Variants in PCDH9 observed in about 807,000 individuals in gnomAD.
The protein encoded by PCDH9 is protocadherin-9.
In PCDH9, 24 loss-of-function variants were observed where a neutral mutation model predicts 70.6. The observed-to-expected ratio is 0.34, with a 90% CI of 0.25 to 0.48. PCDH9 has a LOEUF of 0.48. Among genes scored for constraint, PCDH9 ranks in the 20% least tolerant of loss-of-function variants. The pLI is 0.99. For synonymous variants in PCDH9, 562 were observed against 558.5 expected (o/e 1.01, Z -0.09); for missense variants, 1,281 against 1,503.6 (o/e 0.85, Z 2.45).
intron 2 of PCDH9, among the ~76,000 whole-genome samples, chr13:67,035,284 A>G (rs1446684708): frequency 3.3e-5 from 5 of 152,080 alleles, no homozygotes; most frequent in Non-Finnish European, 7.4e-5. Context: ...TCTTATTTGG[A>G]TGTGGTGCAT....
intron 3 of PCDH9, among the ~76,000 whole-genome samples, chr13:66,891,492 T>A (rs2082095185): frequency 6.6e-6 from 1 of 152,056 alleles, no homozygotes; most frequent in South Asian, 2.1e-4. Flanking sequence ...AATAGTAATA[T>A]AAGATTTGCT....
intron 4 of PCDH9, among the ~76,000 whole-genome samples, chr13:66,329,141 A>G (rs1321188701): frequency 6.6e-6 from 1 of 152,196 alleles, no homozygotes; most frequent in African/African-American, 2.4e-5. Context: ...ATAGTAAGTC[A>G]CATCATACAG....
chr13:66,482,471 C>T (rs901319254), intron 4 of PCDH9, among the ~76,000 whole-genome samples: 3 of 152,104 alleles, frequency 2.0e-5, no homozygotes, highest in African/African-American at 7.2e-5. Flanking sequence ...ACTCTACCAC[C>T]CTTAGCTGCA....
chr13:66,979,073 C>T (rs1272344329), intron 2 of PCDH9, among the ~76,000 whole-genome samples: 1 of 151,986 alleles, frequency 6.6e-6, no homozygotes, highest in African/African-American at 2.4e-5. Flanking sequence ...CAAAGAAAGA[C>T]ATGACGTTTT....
At position 67,225,931 on chromosome 13, in the gene PCDH9, C is replaced by A; in HGVS notation, c.2510G>T (p.Arg837Leu). The A allele has an allele frequency of 6.2e-7, 1 of 1,614,106 alleles. No homozygotes were observed. Among genetic ancestry groups the A allele is most frequent in the South Asian group, 1.1e-5 (1 of 91,080 alleles). ...TTTGAACCTTGATGCATGGCGACAG[C>A]GCACCAGAACGGTGACGAAGATCAC... ...IVVIFVTVLVRCRHASRFKAA... is the reference protein window; with the variant it reads ...IVVIFVTVLVLCRHASRFKAA... The change falls in exon 2 of 5, where the codon CGC becomes CTC. Residue 837 changes from arginine (R) to leucine (L), a missense_variant. This residue lies in a region of PCDH9 where 207 missense variants were observed against 191.8 expected (regional missense o/e 1.08). Transcript: ENST00000377865.
intron 3 of PCDH9, among the ~76,000 whole-genome samples, chr13:66,656,791 G>T (rs1042605082): frequency 2.6e-5 from 4 of 152,176 alleles, no homozygotes; most frequent in Non-Finnish European, 5.9e-5. Flanking sequence ...ATTTTTTTAT[G>T]ATATGAGTTA....
chr13:66,415,042 T>C (rs1957438194), intron 4 of PCDH9, among the ~76,000 whole-genome samples: 1 of 152,134 alleles, frequency 6.6e-6, no homozygotes, highest in Non-Finnish European at 1.5e-5. Flanking sequence ...ACTTTGATTC[T>C]GAAAATGTAC....
chr13:66,855,403 A>G (rs1315311074), intron 3 of PCDH9, among the ~76,000 whole-genome samples: 1 of 152,026 alleles, frequency 6.6e-6, no homozygotes, highest in Non-Finnish European at 1.5e-5. Flanking sequence ...TTTCCTTAAT[A>G]TGTGCTGAGT....
At chr13:66,390,803 T>C (rs1957004899) in intron 4 of PCDH9, among the ~76,000 whole-genome samples, 1 of 151,904 alleles carries the variant, frequency 6.6e-6, no homozygotes, top group Non-Finnish European at 1.5e-5. Flanking sequence ...GGCTATCACA[T>C]GCTAGGAAAT....
At chr13:66,661,267 CAG>C (rs2078004773) in intron 3 of PCDH9, among the ~76,000 whole-genome samples, 1 of 152,130 alleles carries the variant, frequency 6.6e-6, no homozygotes, top group African/African-American at 2.4e-5. Flanking sequence ...TGAGATAACT[CAG>C]AAACCTAACA....
chr13:66,880,931 C>T (rs1453358305), intron 3 of PCDH9, among the ~76,000 whole-genome samples: 1 of 152,152 alleles, frequency 6.6e-6, no homozygotes, highest in Non-Finnish European at 1.5e-5. Flanking sequence ...ATCCCAACTC[C>T]AATCCTGTTG....
chr13:67,111,024 T>C (rs17082105), intron 2 of PCDH9, among the ~76,000 whole-genome samples: 9,707 of 152,250 alleles, frequency 0.064, 636 homozygotes, highest in African/African-American at 0.17. Flanking sequence ...TGCATATGGC[T>C]GATTGAATTA....
At chr13:66,446,616 A>G (rs1460316659) in intron 4 of PCDH9, among the ~76,000 whole-genome samples, 1 of 152,054 alleles carries the variant, frequency 6.6e-6, no homozygotes, top group African/African-American at 2.4e-5. Context: ...AGTTAAGGTG[A>G]GGCAGGTGAA....
At chr13:67,070,622 A>G (rs1007010682) in intron 2 of PCDH9, among the ~76,000 whole-genome samples, 1 of 152,154 alleles carries the variant, frequency 6.6e-6, no homozygotes, top group African/African-American at 2.4e-5. Context: ...AAGCATTGCA[A>G]TTCCCACTGA....
In PCDH9 at chr13:66,701,195, G is replaced by C. The variant is rs192396487; in HGVS notation, c.3139-69784C>G. 3.3e-5 allele frequency among the ~76,000 whole-genome samples: 5 copies of C among 151,622 alleles called. No individual in the cohort carries two copies. The East Asian group carries it at 9.8e-4, about 30-fold the overall frequency. ...ACTTTATAGTGAGCTCTTCTGGATT[G>C]AATAGTCTTGGATGCTTTCATTTTG... is the stretch of plus-strand genomic sequence containing the variant. On this transcript the variant is annotated intron_variant, in intron 3 of 4. Coordinates refer to ENST00000377865, the MANE Select transcript of PCDH9 (RefSeq NM_203487.3).
At chr13:66,691,849 G>C (rs535711681) in intron 3 of PCDH9, among the ~76,000 whole-genome samples, 1 of 152,156 alleles carries the variant, frequency 6.6e-6, no homozygotes, top group African/African-American at 2.4e-5. Flanking sequence ...ATCATGGTCA[G>C]TGCCTTTATT....
At chr13:66,542,060 G>A (rs1960979436) in intron 4 of PCDH9, among the ~76,000 whole-genome samples, 1 of 152,160 alleles carries the variant, frequency 6.6e-6, no homozygotes, top group African/African-American at 2.4e-5. Flanking sequence ...AAAGCCTTGG[G>A]AGATCTGTGT....
rs1016980151 is a variant in PCDH9, at chr13:66,502,925, G to A, written c.3340+128285C>T. Among the ~76,000 whole-genome samples the A allele has an allele frequency of 5.3e-5, 8 of 152,312 alleles. No individual in the cohort carries two copies. The East Asian group carries it at 1.4e-3, about 26-fold the overall frequency. The stretch of plus-strand genomic sequence containing the variant: ...AGAAAAATGCCACTAATTTAAGTCT[G>A]CAAAGAATACTGGGTACTTGTGCTA... On this transcript the variant is annotated intron_variant, in intron 4 of 4. Transcript: ENST00000377865.
intron 3 of PCDH9, among the ~76,000 whole-genome samples, chr13:66,716,831 G>A (rs1488532376): frequency 6.6e-6 from 1 of 152,086 alleles, no homozygotes; most frequent in Non-Finnish European, 1.5e-5. Context: ...ACTTGAACAG[G>A]CCTCTTCAAA....
Sources: gnomAD v4.1 joint callset for allele counts (sites outside exome capture counted in the v4.1 genomes callset) on GRCh38, gnomAD v4.1.1 for gene constraint, gnomAD v4.1.1 regional missense constraint, MANE v1.5 for transcripts, NCBI Gene and HGNC (gene_info 2026-07-23, HGNC 2026-07-21) for gene names.